The following BCL2L13 variants were observed in gnomAD, a reference collection of about 807,000 sequenced individuals.
BCL2L13 encodes bcl-2-like protein 13.
BCL2L13 carries 13 observed loss-of-function variants against 25.8 expected under a neutral mutation model. The observed-to-expected ratio is 0.50, with a 90% CI of 0.33 to 0.80. The LOEUF is 0.80. Among genes scored for constraint, BCL2L13 ranks in the 30% least tolerant of loss-of-function variants. The pLI, the probability that BCL2L13 is intolerant of heterozygous loss-of-function variation, is 0.02. For missense variants in BCL2L13, 504 were observed against 574.9 expected, an observed-to-expected ratio of 0.88 and a Z score of 1.26; for synonymous variants, 244 against 230.3, an observed-to-expected ratio of 1.06 and a Z score of -0.54.
chr22:17,711,721 T>C (rs2060768310), intron 6 of BCL2L13, among the ~76,000 whole-genome samples: 1 of 152,224 alleles, frequency 6.6e-6, no homozygotes, highest in African/African-American at 2.4e-5. Flanking sequence ...GCTTATTTAA[T>C]CAGTTACTGC....
chr22:17,698,471 A>G (rs930636654), intron 5 of BCL2L13, among the ~76,000 whole-genome samples: 2 of 147,404 alleles, frequency 1.4e-5, no homozygotes, highest in Non-Finnish European at 1.5e-5. Flanking sequence ...CTGTAATCCC[A>G]GCACTTTAGA....
intron 2 of BCL2L13, among the ~76,000 whole-genome samples, chr22:17,659,613 A>T (rs1475150580): frequency 6.9e-6 from 1 of 145,450 alleles, no homozygotes; most frequent in East Asian, 1.9e-4. Flanking sequence ...GTGAACCGAG[A>T]TCATGCCACT....
intron 6 of BCL2L13, among the ~76,000 whole-genome samples, chr22:17,710,532 A>G (rs962304656): frequency 3.0e-4 from 46 of 152,022 alleles, no homozygotes; most frequent in African/African-American, 1.0e-3. Flanking sequence ...GTGAGCTGAG[A>G]TCACGCCACT....
At chr22:17,648,517 G>C (rs1421426454) in intron 1 of BCL2L13, among the ~76,000 whole-genome samples, 1 of 151,048 alleles carries the variant, frequency 6.6e-6, no homozygotes, top group Non-Finnish European at 1.5e-5. Context: ...GGGCAACATA[G>C]TGAGACTCCA....
chr22:17,721,570 G>A (rs1348640880), intron 6 of BCL2L13, among the ~76,000 whole-genome samples: 1 of 125,494 alleles, frequency 8.0e-6, no homozygotes, highest in Admixed American at 1.0e-4. Context: ...TGCCACCCAG[G>A]CTGGAGTGCA....
intron 6 of BCL2L13, among the ~76,000 whole-genome samples, chr22:17,721,184 T>A (rs76714518): frequency 0.15 from 21,986 of 150,256 alleles, 2,022 homozygotes; most frequent in Non-Finnish European, 0.2. Context: ...AAAAAAAATA[T>A]ATATATATTT....
intron 6 of BCL2L13, among the ~76,000 whole-genome samples, chr22:17,718,455 A>G (rs1458521320): frequency 6.6e-6 from 1 of 152,154 alleles, no homozygotes; most frequent in Non-Finnish European, 1.5e-5. Context: ...TCTGCAGTTG[A>G]TGGATATATA....
intron 4 of BCL2L13, among the ~76,000 whole-genome samples, chr22:17,693,303 T>C (rs1019490611): frequency 3.3e-5 from 5 of 151,036 alleles, no homozygotes; most frequent in Non-Finnish European, 7.4e-5. Flanking sequence ...TAGGTCACAG[T>C]GGACAGAGCA....
intron 2 of BCL2L13, among the ~76,000 whole-genome samples, chr22:17,665,537 TG>T: frequency 6.6e-6 from 1 of 152,260 alleles, no homozygotes; most frequent in East Asian, 1.9e-4. Flanking sequence ...GAGAACAGTA[TG>T]GGGGAAATCA....
intron 6 of BCL2L13, among the ~76,000 whole-genome samples, chr22:17,723,495 G>C (rs1356593882): frequency 6.6e-6 from 1 of 152,126 alleles, no homozygotes; most frequent in African/African-American, 2.4e-5. Flanking sequence ...GTCCCATCCA[G>C]TTGGTATTTT....
intron 6 of BCL2L13, among the ~76,000 whole-genome samples, chr22:17,714,653 T>TA (rs1285330124): frequency 6.6e-6 from 1 of 152,150 alleles, no homozygotes; most frequent in Non-Finnish European, 1.5e-5. Context: ...AGGTGTTTAT[T>TA]ATGTTTTGAA....
At chr22:17,650,286 TCTAC>T (rs1034833928) in intron 1 of BCL2L13, among the ~76,000 whole-genome samples, 6 of 152,220 alleles carry the variant, frequency 3.9e-5, no homozygotes, top group Non-Finnish European at 7.3e-5. Flanking sequence ...TGGTTTTCTT[TCTAC>T]CTTTCTGTTT....
At chr22:17,650,166 G>A (rs2058634922) in intron 1 of BCL2L13, among the ~76,000 whole-genome samples, 1 of 152,034 alleles carries the variant, frequency 6.6e-6, no homozygotes, top group Non-Finnish European at 1.5e-5. Flanking sequence ...CACTGCGCCC[G>A]GCTGACTCTT....
chr22:17,671,333 G>T (rs917501078), intron 2 of BCL2L13, among the ~76,000 whole-genome samples: 1 of 144,208 alleles, frequency 6.9e-6, no homozygotes, highest in Non-Finnish European at 1.5e-5. Flanking sequence ...GACAGAGCTT[G>T]CAGTGAGCCA....
intron 2 of BCL2L13, among the ~76,000 whole-genome samples, chr22:17,656,997 T>C (rs1312410125): frequency 6.6e-6 from 1 of 152,122 alleles, no homozygotes. Context: ...TTTTTGTATT[T>C]TAGTAGAGAC....
upstream of BCL2L13, among the ~76,000 whole-genome samples, chr22:17,634,094 T>C (rs2058068945): frequency 6.6e-6 from 1 of 152,144 alleles, no homozygotes; most frequent in Non-Finnish European, 1.5e-5. Context: ...CAAAATCTCT[T>C]TGAGGAGAGC....
Position 17,663,173 on chromosome 22 carries a change from C to G in BCL2L13, c.121+7341C>G, listed in dbSNP as rs1012991018. ...GGCGTGAGGTATTGCATCTGTCCTT[C>G]TTAAATGTTCTTATCCATAAATTTC... On this transcript the variant is annotated intron_variant, in intron 2 of 6. Transcript: ENST00000317582. Among the ~76,000 whole-genome samples, 6 of 152,132 alleles carry G rather than the reference C, an allele frequency of 3.9e-5. No homozygotes were observed. The East Asian group carries it at 9.6e-4, about 24-fold the overall frequency.
chr22:17,652,527 C>T (rs1008246507), intron 1 of BCL2L13, among the ~76,000 whole-genome samples: 5 of 151,498 alleles, frequency 3.3e-5, no homozygotes, highest in African/African-American at 1.2e-4. Flanking sequence ...CAACCTCTTC[C>T]TCCTGGGTTC....
At chr22:17,684,033 G>A (rs1221485345) in intron 3 of BCL2L13, among the ~76,000 whole-genome samples, 2 of 151,900 alleles carry the variant, frequency 1.3e-5, no homozygotes, top group African/African-American at 4.8e-5. Flanking sequence ...ACTGGACGAC[G>A]ACTACACAGC....
Sources: gnomAD v4.1 joint callset for allele counts (sites outside exome capture counted in the v4.1 genomes callset) on GRCh38, gnomAD v4.1.1 for gene constraint, MANE v1.5 for transcripts, NCBI Gene and HGNC (gene_info 2026-07-23, HGNC 2026-07-21) for gene names.